Variants in PLCE1 observed in about 807,000 individuals in gnomAD.
PLCE1 encodes 1-phosphatidylinositol 4,5-bisphosphate phosphodiesterase epsilon-1.
In PLCE1, 119 loss-of-function variants were observed where a neutral mutation model predicts 242.8. The ratio of observed to expected loss-of-function variants is 0.49; its 90% CI spans 0.42 to 0.57. The LOEUF (loss-of-function observed/expected upper bound fraction) is 0.57, where lower values mean the gene tolerates loss of function less well. Among genes scored for constraint, PLCE1 ranks in the 20% least tolerant of loss-of-function variants. The pLI is 0.00. For synonymous variants in PLCE1, 945 were observed against 1,017.4 expected, an observed-to-expected ratio of 0.93 and a Z score of 1.35; for missense variants, 2,441 against 2,788.8, an observed-to-expected ratio of 0.88 and a Z score of 2.81.
At chr10:94,049,857 G>A (rs1270390242) in intron 2 of PLCE1, among the ~76,000 whole-genome samples, 2 of 152,094 alleles carry the variant, frequency 1.3e-5, no homozygotes, top group Non-Finnish European at 2.9e-5. Context: ...TTATATAAAA[G>A]AATTCATAGT....
intron 22 of PLCE1, chr10:94,287,238 AT>A (rs897605348): frequency 2.0e-5 from 3 of 152,040 alleles, no homozygotes; most frequent in East Asian, 1.9e-4. Context: ...AATTTCTTAC[AT>A]TTTTTCCCTG....
chr10:94,213,382 C>G (rs1212177546), intron 4 of PLCE1, among the ~76,000 whole-genome samples: 3 of 152,130 alleles, frequency 2.0e-5, no homozygotes. Context: ...AACCACAGTC[C>G]AGTGTACCTG....
chr10:94,002,262 G>A (rs984931415), intron 1 of PLCE1, among the ~76,000 whole-genome samples: 1 of 152,200 alleles, frequency 6.6e-6, no homozygotes, highest in Non-Finnish European at 1.5e-5. Flanking sequence ...AACCTTGCAT[G>A]CTCTCCCATG....
rs745692327 is a variant in PLCE1 at position 94,031,951 on chromosome 10, A to G, written c.905A>G (p.Asp302Gly). The stretch of plus-strand genomic sequence containing the variant: ...AAGACCTTTTTGAGCCATTTTGAGG[A>G]CTTCCCTGATAATTGTGATGATGTA... The part of the protein sequence containing the change: ...AAKTFLSHFE[D>G]FPDNCDDVEE... The change falls in exon 2 of 33, where the codon GAC (aspartate) becomes GGC (glycine). Residue 302 changes from aspartate (D) to glycine (G), a missense_variant. This residue lies in a region of PLCE1 where 393 missense variants were observed against 378.5 expected (regional missense o/e 1.04). Coordinates refer to ENST00000371380, the MANE Select transcript of PLCE1 (RefSeq NM_016341.4). 5 of 1,613,790 alleles carry G rather than the reference A, an allele frequency of 3.1e-6. No individual in the cohort carries two copies. The highest frequency in any genetic ancestry group is 3.3e-4 in the Middle Eastern group (2 of 6,062).
At chr10:94,305,367 G>A (rs182001501) in intron 25 of PLCE1, among the ~76,000 whole-genome samples, 70 of 152,304 alleles carry the variant, frequency 4.6e-4, no homozygotes, top group South Asian at 6.2e-4. Flanking sequence ...TCCAGAAAGC[G>A]GAGGTTGCAG....
chr10:94,232,060 A>G (rs2050164134), intron 5 of PLCE1, among the ~76,000 whole-genome samples: 1 of 152,242 alleles, frequency 6.6e-6, no homozygotes, highest in Admixed American at 6.5e-5. Flanking sequence ...ATGTTGGAAA[A>G]GTATTAAGAA....
chr10:94,266,091 G>A, intron 16 of PLCE1, 133 bp downstream of exon 16: 1 of 807,440 alleles, frequency 1.2e-6, no homozygotes, highest in South Asian at 1.5e-5. Context: ...CAAATGTGAG[G>A]AACCATGATG....
At chr10:94,162,619 T>C (rs1276035580) in intron 3 of PLCE1, among the ~76,000 whole-genome samples, 1 of 152,206 alleles carries the variant, frequency 6.6e-6, no homozygotes, top group Non-Finnish European at 1.5e-5. Context: ...CCTGGATTCA[T>C]TGATTTTTTG....
At chr10:94,174,254 T>G (rs1019539732) in intron 4 of PLCE1, among the ~76,000 whole-genome samples, 16 of 152,158 alleles carry the variant, frequency 1.1e-4, no homozygotes, top group Admixed American at 9.8e-4. Flanking sequence ...TATTTTTTAA[T>G]CCATACCGAT....
chr10:94,042,194 T>A (rs1394001115), intron 2 of PLCE1, among the ~76,000 whole-genome samples: 1 of 152,198 alleles, frequency 6.6e-6, no homozygotes, highest in Non-Finnish European at 1.5e-5. Context: ...AGGTTTGATT[T>A]GGAATGAATC....
At chr10:94,051,038 G>A (rs1236960736) in intron 2 of PLCE1, among the ~76,000 whole-genome samples, 1 of 152,006 alleles carries the variant, frequency 6.6e-6, no homozygotes, top group African/African-American at 2.4e-5. Context: ...TTTAGTTTGT[G>A]AAGCTGTCAG....
At chr10:94,154,035 A>C (rs1440598452) in intron 3 of PLCE1, among the ~76,000 whole-genome samples, 2 of 152,228 alleles carry the variant, frequency 1.3e-5, no homozygotes, top group African/African-American at 4.8e-5. Context: ...CAGAATAGCC[A>C]AAATAATTTT....
In PLCE1 at chr10:94,329,014, T is replaced by C. The variant is rs769635507; in HGVS notation, c.*1071T>C. 5.9e-5 allele frequency: 9 copies of C among 152,230 alleles called. No homozygotes were observed. Among genetic ancestry groups the C allele is most frequent in the East Asian group, 3.8e-4 (2 of 5,196 alleles). 9.4% of individuals were successfully genotyped at this position (152,230 alleles called of 1,614,324 possible). Reference sequence around the variant, plus strand: ...AAGGTTTGTACTGACACTATACTTATATATTTATTATACATCGCTCTCTTG... The same window carrying C: ...AAGGTTTGTACTGACACTATACTTACATATTTATTATACATCGCTCTCTTG... On this transcript the variant is annotated 3_prime_UTR_variant, in exon 33 of 33. Coordinates refer to ENST00000371380, the MANE Select transcript of PLCE1 (RefSeq NM_016341.4).
At chr10:94,247,862 G>A (rs111400747) in intron 8 of PLCE1, among the ~76,000 whole-genome samples, 47 of 152,336 alleles carry the variant, frequency 3.1e-4, no homozygotes, top group African/African-American at 1.1e-3. Context: ...ATCCCTTGGG[G>A]AAAAGAGGAT....
At chr10:94,096,980 T>C (rs1414712703) in intron 2 of PLCE1, 4 of 152,192 alleles carry the variant, frequency 2.6e-5, no homozygotes, top group African/African-American at 9.6e-5. Context: ...AATGACATTT[T>C]GGGCACAAGG....
rs538788339 is a variant in PLCE1 at position 94,180,540 on chromosome 10, GTTTA to G, written c.1809+9050_1809+9053del. Among the ~76,000 whole-genome samples, 44 of 152,276 alleles carry G rather than the reference GTTTA, an allele frequency of 2.9e-4. No homozygotes were observed. The Middle Eastern group carries it at 0.01, about 35-fold the overall frequency. On this transcript the variant is annotated intron_variant, in intron 4 of 32. Transcript: ENST00000371380. ...AAGATTGCCCCCAAAATCTAAAGGA[GTTTA>G]TTTATATTCCTCTCTTGACCACATC...
At chr10:94,300,041 G>A (rs924836310) in intron 24 of PLCE1, among the ~76,000 whole-genome samples, 1 of 152,140 alleles carries the variant, frequency 6.6e-6, no homozygotes, top group Admixed American at 6.5e-5. Flanking sequence ...GTGGCTGGTG[G>A]GTTCACATCT....
chr10:94,236,654 G>A (rs1296333370), intron 7 of PLCE1, among the ~76,000 whole-genome samples: 2 of 152,198 alleles, frequency 1.3e-5, no homozygotes, highest in Non-Finnish European at 2.9e-5. Context: ...TGTAAGGTGT[G>A]TTAAAATTAA....
At chr10:94,235,393 G>C (rs2050288838) in intron 6 of PLCE1, among the ~76,000 whole-genome samples, 1 of 152,200 alleles carries the variant, frequency 6.6e-6, no homozygotes, top group Non-Finnish European at 1.5e-5. Context: ...CCTCTGATGA[G>C]AGAAGCTTCC....
Sources: gnomAD v4.1 joint callset for allele counts (sites outside exome capture counted in the v4.1 genomes callset) on GRCh38, gnomAD v4.1.1 for gene constraint, gnomAD v4.1.1 regional missense constraint, MANE v1.5 for transcripts, NCBI Gene and HGNC (gene_info 2026-07-23, HGNC 2026-07-21) for gene names.